Variants in CALB2 observed in about 807,000 individuals in gnomAD.
CALB2 encodes the protein calbindin 2, also known as calretinin.
A neutral mutation model predicts 45.9 loss-of-function variants in CALB2; 34 were observed. The observed-to-expected ratio is 0.74, with a 90% CI of 0.56 to 0.99. The LOEUF is 0.99. CALB2 is among the 50% of genes least tolerant of loss of function. The probability of loss-of-function intolerance (pLI) is 0.00; values close to 1 mark genes in which losing one functional copy is unlikely to be tolerated. For synonymous variants in CALB2, 142 were observed against 129.6 expected (o/e 1.10, Z -0.65); for missense variants, 344 against 339.3 (o/e 1.01, Z -0.11).
At chr16:71,378,938 C>T (rs2042451212) in intron 4 of CALB2, among the ~76,000 whole-genome samples, 1 of 152,198 alleles carries the variant, frequency 6.6e-6, no homozygotes, top group Admixed American at 6.5e-5. Flanking sequence ...GTATCTTCCA[C>T]GTTTCATCTT....
chr16:71,363,200 C>A (rs116797522), intron 1 of CALB2, among the ~76,000 whole-genome samples: 1,683 of 152,230 alleles, frequency 0.011, 37 homozygotes, highest in African/African-American at 0.039. Context: ...AAATAACTAA[C>A]TAAATAAATA....
intron 4 of CALB2, among the ~76,000 whole-genome samples, chr16:71,381,409 C>CAAAAAAAAAAA (rs72039915): frequency 7.4e-6 from 1 of 134,580 alleles, no homozygotes. Flanking sequence ...TGTCTTGTGA[C>CAAAAAAAAAAA]AAAAAAAAAA....
At chr16:71,375,033 A>G (rs967288978) in intron 3 of CALB2, among the ~76,000 whole-genome samples, 199 bp downstream of exon 3, 1 of 152,200 alleles carries the variant, frequency 6.6e-6, no homozygotes, top group Non-Finnish European at 1.5e-5. Flanking sequence ...AGTGACAAAC[A>G]ATGGCCAAAG....
At position 71,363,968 on chromosome 16, in the gene CALB2, G is replaced by A. The variant is rs149288521; in HGVS notation, c.94+5082G>A. Among the ~76,000 whole-genome samples the A allele has an allele frequency of 3.0e-3, 452 of 152,276 alleles. 4 individuals are homozygous for A. The highest frequency in any genetic ancestry group is 0.01 in the African/African-American group (426 of 41,558). On this transcript the variant is annotated intron_variant, in intron 1 of 10. Transcript: ENST00000302628. ...TGGGCGTGGCGTGATGTCAGGATAT[G>A]AGGCTCTCAGGGAACAGCCGCCTGA...
intron 2 of CALB2, 25 bp from the exon 3 acceptor site, chr16:71,374,720 A>C: frequency 6.5e-7 from 1 of 1,533,296 alleles, no homozygotes; most frequent in Non-Finnish European, 9.0e-7. Context: ...AGCAGCAAAA[A>C]TCAGCCCCCT....
Position 71,383,363 on chromosome 16 carries a change from G to A in CALB2, c.400-4G>A. On this transcript the variant is annotated splice_polypyrimidine_tract_variant and splice_region_variant and intron_variant, in intron 5 of 10. Coordinates refer to ENST00000302628, the MANE Select transcript of CALB2 (RefSeq NM_001740.5). ...GAGTACTAAAGAGGCCTTTTGTGTTGCAGGGATTCCTGTCAGACCTGCTGA... is the reference window on the plus strand; with the variant it reads ...GAGTACTAAAGAGGCCTTTTGTGTTACAGGGATTCCTGTCAGACCTGCTGA... The A allele has an allele frequency of 6.2e-7, 1 of 1,613,954 alleles. No individual in the cohort carries two copies. Among genetic ancestry groups the A allele is most frequent in the Non-Finnish European group, 8.5e-7 (1 of 1,179,886 alleles).
chr16:71,364,050 C>T (rs2042258618), intron 1 of CALB2, among the ~76,000 whole-genome samples: 1 of 152,186 alleles, frequency 6.6e-6, no homozygotes, highest in African/African-American at 2.4e-5. Context: ...CTCCCTCCCC[C>T]AACTCCCCAG....
chr16:71,388,334 C>CA (rs71153632), intron 10 of CALB2, among the ~76,000 whole-genome samples: 18,339 of 103,178 alleles, frequency 0.18, 1,767 homozygotes, highest in East Asian at 0.32. Context: ...GACCTTATCT[C>CA]AAAAAAAAAA....
intron 10 of CALB2, among the ~76,000 whole-genome samples, chr16:71,388,819 TAAA>T (rs35230835): frequency 1.5e-5 from 2 of 133,196 alleles, no homozygotes; most frequent in Non-Finnish European, 1.6e-5. Flanking sequence ...CCGTCTCTAC[TAAA>T]AAAAAAAAAA....
chr16:71,366,788 T>C (rs1232224513), intron 1 of CALB2, among the ~76,000 whole-genome samples: 1 of 152,194 alleles, frequency 6.6e-6, no homozygotes. Flanking sequence ...TCTTTCAGAA[T>C]GCTTCCACAA....
chr16:71,380,462 C>T (rs950241128), intron 4 of CALB2, among the ~76,000 whole-genome samples: 1 of 151,778 alleles, frequency 6.6e-6, no homozygotes, highest in African/African-American at 2.4e-5. Flanking sequence ...GCAGGCACCA[C>T]CACTTCCGGT....
chr16:71,382,697 G>T (rs921962326), intron 4 of CALB2, 22 bp from the exon 5 acceptor site: 4 of 1,609,024 alleles, frequency 2.5e-6, no homozygotes, highest in Non-Finnish European at 3.4e-6. Flanking sequence ...TTGCAAAGAG[G>T]TTGACATTCC....
intron 2 of CALB2, 86 bp downstream of exon 2, chr16:71,372,315 G>A (rs892198673): frequency 1.3e-5 from 12 of 918,892 alleles, no homozygotes; most frequent in Admixed American, 1.1e-4. Context: ...TATGCCATAA[G>A]CAGGCCTCAT....
intron 10 of CALB2, 129 bp from the exon 11 acceptor site, chr16:71,389,620 T>C: frequency 2.6e-6 from 2 of 777,868 alleles, no homozygotes; most frequent in South Asian, 1.4e-5. Flanking sequence ...TTTGCATTCA[T>C]CTAAGCCACT....
intron 7 of CALB2, 64 bp downstream of exon 7, chr16:71,384,089 C>A (rs1033665175): frequency 4.5e-6 from 7 of 1,539,624 alleles, no homozygotes; most frequent in Non-Finnish European, 6.3e-6. Flanking sequence ...TGTTATCCGT[C>A]TCTGAGATCC....
chr16:71,382,789 T>C lies in CALB2; in HGVS notation c.399+14T>C, dbSNP rs1567542835. Reference sequence around the variant, plus strand: ...AATGAGCTCAAGGTAGGATGGGCCTTGGGGAGGGTGTGAGGCCAGAGTGGC... The same window carrying C: ...AATGAGCTCAAGGTAGGATGGGCCTCGGGGAGGGTGTGAGGCCAGAGTGGC... On this transcript the variant is annotated intron_variant, in intron 5 of 10. Transcript: ENST00000302628. 6.2e-7 allele frequency: 1 copy of C among 1,604,094 alleles called. No homozygotes were observed. Among genetic ancestry groups the C allele is most frequent in the East Asian group, 2.2e-5 (1 of 44,592 alleles).
chr16:71,363,453 C>T (rs533229311), intron 1 of CALB2, among the ~76,000 whole-genome samples: 7 of 152,306 alleles, frequency 4.6e-5, no homozygotes, highest in East Asian at 3.9e-4. Flanking sequence ...GATGGCTCTA[C>T]GCAGGCTCCC....
intron 4 of CALB2, among the ~76,000 whole-genome samples, chr16:71,378,384 A>T (rs752471352): frequency 1.2e-4 from 17 of 136,758 alleles, no homozygotes; most frequent in South Asian, 4.5e-4. Context: ...ACAGGAATTT[A>T]AAAAAAAAAA....
At chr16:71,386,850 ATCCT>A (rs1298997068) in intron 10 of CALB2, among the ~76,000 whole-genome samples, 8 of 152,180 alleles carry the variant, frequency 5.3e-5, no homozygotes, top group African/African-American at 1.9e-4. Flanking sequence ...CTTAAATATC[ATCCT>A]TCATTTATTT....
Sources: allele counts gnomAD v4.1 joint callset (sites outside exome capture counted in the v4.1 genomes callset), GRCh38; gene constraint gnomAD v4.1.1; transcripts MANE v1.5; gene names NCBI Gene and HGNC (gene_info 2026-07-23, HGNC 2026-07-21).